The following EEIG2 variants were observed in gnomAD, a reference collection of about 807,000 sequenced individuals.
EEIG2 encodes the protein family with sequence similarity 102 member B.
chr1:108,636,585 A>G, the EEIG2 span: 12 of 152,252 alleles, frequency 7.9e-5, no homozygotes, highest in Middle Eastern at 3.2e-3. Context: ...AGTATTCTGC[A>G]TTAATCCAAT....
the EEIG2 span, among the ~76,000 whole-genome samples, chr1:108,624,474 C>A: frequency 1.4e-5 from 2 of 147,796 alleles, no homozygotes; most frequent in Admixed American, 1.3e-4. Flanking sequence ...GAATTTTATT[C>A]AAGTTTTGAA....
the EEIG2 span, among the ~76,000 whole-genome samples, chr1:108,569,856 T>G: frequency 6.6e-6 from 1 of 152,168 alleles, no homozygotes; most frequent in Admixed American, 6.5e-5. Context: ...TCTTCTCAGT[T>G]TTATACCCAT....
chr1:108,572,922 T>C, the EEIG2 span, among the ~76,000 whole-genome samples: 1 of 152,250 alleles, frequency 6.6e-6, no homozygotes, highest in South Asian at 2.1e-4. Context: ...AGGTTCCTCT[T>C]CCTTCATGGC....
the EEIG2 span, among the ~76,000 whole-genome samples, chr1:108,580,413 C>G: frequency 6.6e-6 from 1 of 152,122 alleles, no homozygotes; most frequent in Non-Finnish European, 1.5e-5. Context: ...GGAAGAGTTG[C>G]ACTTCTCTCA....
the EEIG2 span, among the ~76,000 whole-genome samples, chr1:108,583,612 C>A: frequency 6.6e-6 from 1 of 151,726 alleles, no homozygotes; most frequent in Non-Finnish European, 1.5e-5. Flanking sequence ...CTACGTATTC[C>A]CTTTATTGCT....
At chr1:108,603,268 G>A in the EEIG2 span, among the ~76,000 whole-genome samples, 1 of 152,168 alleles carries the variant, frequency 6.6e-6, no homozygotes, top group Admixed American at 6.5e-5. Flanking sequence ...CAAAAGAATG[G>A]CTGAGCAGCG....
the EEIG2 span, chr1:108,629,491 A>T: frequency 6.7e-6 from 6 of 896,988 alleles, no homozygotes; most frequent in Admixed American, 1.5e-4. Flanking sequence ...TATTTCTCTA[A>T]TAAACAATTG....
chr1:108,606,870 C>G, the EEIG2 span, among the ~76,000 whole-genome samples: 1 of 151,880 alleles, frequency 6.6e-6, no homozygotes, highest in Admixed American at 6.6e-5. Context: ...GCTATGTTAC[C>G]CAGGCTAGTC....
chr1:108,569,058 C>A, the EEIG2 span, among the ~76,000 whole-genome samples: 4 of 152,100 alleles, frequency 2.6e-5, no homozygotes, highest in Non-Finnish European at 5.9e-5. Flanking sequence ...AGTCACATAT[C>A]AACTAATGAA....
At chr1:108,597,361 C>T in the EEIG2 span, among the ~76,000 whole-genome samples, 4 of 152,312 alleles carry the variant, frequency 2.6e-5, no homozygotes, top group East Asian at 1.9e-4. Flanking sequence ...AGTCATCTTT[C>T]ATTACCCCAG....
chr1:108,628,553 A>G, the EEIG2 span: 18 of 1,612,810 alleles, frequency 1.1e-5, no homozygotes, highest in African/African-American at 2.4e-4. Flanking sequence ...TACAGCTGAT[A>G]AAGAAGATAC....
At chr1:108,593,822 T>C in the EEIG2 span, among the ~76,000 whole-genome samples, 2 of 152,186 alleles carry the variant, frequency 1.3e-5, no homozygotes, top group Admixed American at 1.3e-4. Context: ...TGTTTGTTTT[T>C]TGAGATAAAG....
chr1:108,633,963 G>T, the EEIG2 span, among the ~76,000 whole-genome samples: 2,182 of 152,264 alleles, frequency 0.014, 28 homozygotes, highest in Non-Finnish European at 0.025. Context: ...GAAGGAAACT[G>T]CTTCAGGCAG....
the EEIG2 span, among the ~76,000 whole-genome samples, chr1:108,577,878 A>G: frequency 3.2e-3 from 478 of 151,544 alleles, 8 homozygotes; most frequent in African/African-American, 0.011. Flanking sequence ...GAATCAGTAA[A>G]TTACCTTGGG....
the EEIG2 span, among the ~76,000 whole-genome samples, chr1:108,573,279 G>A: frequency 6.6e-6 from 1 of 152,204 alleles, no homozygotes; most frequent in Non-Finnish European, 1.5e-5. Context: ...CTAGTAGTAA[G>A]TGATAGAGCA....
At chr1:108,615,398 A>G in the EEIG2 span, among the ~76,000 whole-genome samples, 1 of 152,200 alleles carries the variant, frequency 6.6e-6, no homozygotes, top group Non-Finnish European at 1.5e-5. Context: ...TTATTCCCAT[A>G]AGAACATAAA....
At chr1:108,618,621 G>A in the EEIG2 span, among the ~76,000 whole-genome samples, 11 of 152,016 alleles carry the variant, frequency 7.2e-5, no homozygotes, top group African/African-American at 2.4e-4. Context: ...GGCCGGGCTC[G>A]GTGGCTCACG....
the EEIG2 span, chr1:108,637,534 G>A: frequency 3.9e-5 from 6 of 151,908 alleles, no homozygotes; most frequent in Non-Finnish European, 8.8e-5. Context: ...TTTATGTTTT[G>A]AGTTTAGAAA....
chr1:108,579,856 C>A, the EEIG2 span, among the ~76,000 whole-genome samples: 1 of 150,860 alleles, frequency 6.6e-6, no homozygotes, highest in African/African-American at 2.4e-5. Flanking sequence ...TGGTTCACTG[C>A]AGCCTTGAAC....
Sources: allele counts gnomAD v4.1 joint callset (sites outside exome capture counted in the v4.1 genomes callset), GRCh38; gene constraint gnomAD v4.1.1; transcripts MANE v1.5; gene names NCBI Gene and HGNC (gene_info 2026-07-23, HGNC 2026-07-21).